Variants in TPM1 observed in about 807,000 individuals in gnomAD.
TPM1 encodes tropomyosin 1.
TPM1 carries 24 observed loss-of-function variants against 42.9 expected under a neutral mutation model. The observed-to-expected ratio is 0.56, with a 90% confidence interval of 0.41 to 0.79. TPM1 has a LOEUF of 0.79. Among genes scored for constraint, TPM1 ranks in the 30% least tolerant of loss-of-function variants. TPM1 has a pLI of 0.00. For missense variants in TPM1, 158 were observed against 351.8 expected (o/e 0.45, Z 4.41); for synonymous variants, 136 against 130.1 (o/e 1.05, Z -0.31).
chr15:63,057,363 T>TA (rs1478867386), intron 3 of TPM1, among the ~76,000 whole-genome samples: 2 of 152,206 alleles, frequency 1.3e-5, no homozygotes, highest in African/African-American at 4.8e-5. Flanking sequence ...TTCCTGCCCT[T>TA]ACAGAACTCA....
Position 63,042,971 on chromosome 15 carries a change from C to T in TPM1, c.114+28C>T, listed in dbSNP as rs371422617. ...CTGCGCCTCCCCGGCCCTGCGCCCG[C>T]GCCCAGAGCGCCGGGACTCGAGCCT... On this transcript the variant is annotated intron_variant, in intron 1 of 9. Coordinates refer to ENST00000403994, the MANE Select transcript of TPM1 (RefSeq NM_001018005.2). The T allele has an allele frequency of 1.9e-6, 3 of 1,559,374 alleles. No homozygotes were observed. In the African/African-American group the frequency reaches 4.1e-5, roughly 21 times the overall value.
downstream of TPM1, chr15:63,070,482 A>T (rs1289099358): frequency 1.0e-6 from 1 of 993,210 alleles, no homozygotes; most frequent in Admixed American, 5.7e-5. Context: ...TGCTTTACTC[A>T]GTCTAATGGT....
intron 2 of TPM1, chr15:63,048,910 G>C (rs1241832676): frequency 1.4e-6 from 1 of 705,034 alleles, no homozygotes; most frequent in Non-Finnish European, 2.4e-6. Context: ...TTTCCATCTC[G>C]CTGATCCAAA....
At position 63,066,058 on chromosome 15, in the gene TPM1, C is replaced by G; in HGVS notation, c.*159C>G. ...CTGTGCTTTCTATTGTACAGAAGCT[C>G]TTCGTTTCAGTGTCAAATAAACACT... is the stretch of plus-strand genomic sequence containing the variant. On this transcript the variant is annotated 3_prime_UTR_variant, in exon 10 of 10. Transcript: ENST00000403994. The G allele has an allele frequency of 4.6e-6, 7 of 1,537,862 alleles. No individual in the cohort carries two copies. Among genetic ancestry groups the G allele is most frequent in the Non-Finnish European group, 6.1e-6 (7 of 1,145,728 alleles).
At chr15:63,070,833 A>G, downstream of TPM1, 2 of 1,279,834 alleles carry the variant, frequency 1.6e-6, no homozygotes, top group Non-Finnish European at 2.0e-6. Flanking sequence ...CCCCACGTGC[A>G]TTTTATCCTC....
chr15:63,069,907 C>T (rs776697819), downstream of TPM1: 2 of 1,614,132 alleles, frequency 1.2e-6, no homozygotes, highest in South Asian at 1.1e-5. Context: ...ATCGCCGCCT[C>T]ACTAATGAAC....
At position 63,042,752 on chromosome 15, in the gene TPM1, C is replaced by T. The variant is rs897788315; in HGVS notation, c.-78C>T. 4.2e-6 allele frequency: 5 copies of T among 1,195,424 alleles called. No homozygotes were observed. Among genetic ancestry groups the T allele is most frequent in the Non-Finnish European group, 4.9e-6 (4 of 817,484 alleles). 74.1% of individuals were successfully genotyped at this position (1,195,424 alleles called of 1,614,324 possible). On this transcript the variant is annotated 5_prime_UTR_variant, in exon 1 of 10. Coordinates refer to ENST00000403994, the MANE Select transcript of TPM1 (RefSeq NM_001018005.2). Reference sequence around the variant, plus strand: ...GGAGAAGCAGGCGGCTCCGCGCTCGCACTCCCGCTCCTCCGCCCGACCGCG... The same window carrying T: ...GGAGAAGCAGGCGGCTCCGCGCTCGTACTCCCGCTCCTCCGCCCGACCGCG...
chr15:63,070,912 A>G, downstream of TPM1: 1 of 1,396,360 alleles, frequency 7.2e-7, no homozygotes. Flanking sequence ...TTTGGGTCAA[A>G]GATGCCCTCC....
At chr15:63,053,531 G>A (rs922730878) in intron 2 of TPM1, among the ~76,000 whole-genome samples, 4 of 152,064 alleles carry the variant, frequency 2.6e-5, no homozygotes, top group South Asian at 2.1e-4. Context: ...CCCTCCTGCC[G>A]CCTGTTTCTA....
chr15:63,043,005 C>T (rs2031479025), intron 1 of TPM1, 62 bp downstream of exon 1: 5 of 1,438,472 alleles, frequency 3.5e-6, no homozygotes, highest in Admixed American at 2.0e-5. Flanking sequence ...CTGGCACCCC[C>T]GGCTGGATCC....
intron 2 of TPM1, chr15:63,049,349 A>T (rs896181604): frequency 6.6e-6 from 1 of 152,620 alleles, no homozygotes; most frequent in Non-Finnish European, 1.5e-5. Flanking sequence ...TCTCTCATAC[A>T]GATAGATAAT....
intron 4 of TPM1, among the ~76,000 whole-genome samples, 188 bp from the exon 5 acceptor site, chr15:63,060,680 GC>G (rs1183148657): frequency 2.0e-5 from 3 of 152,200 alleles, no homozygotes; most frequent in African/African-American, 7.2e-5. Context: ...CAAAGCAGAA[GC>G]CTCTGATCTC....
intron 1 of TPM1, chr15:63,043,745 G>C (rs2031737393): frequency 6.5e-7 from 1 of 1,549,450 alleles, no homozygotes; most frequent in Middle Eastern, 1.8e-4. Flanking sequence ...GTTGCTGCGG[G>C]TGTCGGAGGA....
At chr15:63,063,570 G>C (rs754194083) in intron 8 of TPM1, among the ~76,000 whole-genome samples, 2 of 152,200 alleles carry the variant, frequency 1.3e-5, no homozygotes, top group Non-Finnish European at 2.9e-5. Context: ...GAAGTCAGTG[G>C]TTTGAAGGTG....
chr15:63,065,281 T>C, intron 9 of TPM1: 1 of 988,128 alleles, frequency 1.0e-6, no homozygotes, highest in Non-Finnish European at 1.2e-6. Context: ...AATTCTAACC[T>C]GGAATGTTTC....
At chr15:63,070,011 T>C, downstream of TPM1, 1 of 1,610,092 alleles carries the variant, frequency 6.2e-7, no homozygotes, top group Non-Finnish European at 8.5e-7. Context: ...TCTAAGACTG[T>C]CCTACCTTCA....
At chr15:63,056,859 A>C (rs570586689) in intron 2 of TPM1, 126 bp from the exon 3 acceptor site, 1 of 1,269,194 alleles carries the variant, frequency 7.9e-7, no homozygotes, top group African/African-American at 1.5e-5. Context: ...CTTGTAATGC[A>C]CTTAAAGGTA....
chr15:63,068,277 G>T (rs144248242), downstream of TPM1, among the ~76,000 whole-genome samples: 1 of 152,180 alleles, frequency 6.6e-6, no homozygotes, highest in South Asian at 2.1e-4. Context: ...GGAGTGAAGC[G>T]AGTCCGAACT....
chr15:63,058,575 G>A (rs1004468522), intron 3 of TPM1, among the ~76,000 whole-genome samples: 3 of 152,112 alleles, frequency 2.0e-5, no homozygotes, highest in Non-Finnish European at 4.4e-5. Context: ...CAGGCGTGGT[G>A]GTGCACACCT....
Sources: allele counts gnomAD v4.1 joint callset (sites outside exome capture counted in the v4.1 genomes callset), GRCh38; gene constraint gnomAD v4.1.1; transcripts MANE v1.5; gene names NCBI Gene and HGNC (gene_info 2026-07-23, HGNC 2026-07-21).